Variants in SMOC1 observed in about 807,000 individuals in gnomAD.
SMOC1 encodes the protein SPARC-related modular calcium-binding protein 1.
SMOC1 carries 22 observed loss-of-function variants against 56.3 expected under a neutral mutation model. The ratio of observed to expected loss-of-function variants is 0.39; its 90% CI spans 0.28 to 0.56. SMOC1 has a LOEUF of 0.56. Among genes scored for constraint, SMOC1 ranks in the 20% least tolerant of loss-of-function variants. The probability of loss-of-function intolerance (pLI) is 0.61; values close to 1 mark genes in which losing one functional copy is unlikely to be tolerated. For synonymous variants in SMOC1, 193 were observed against 215.0 expected, an observed-to-expected ratio of 0.90 and a Z score of 0.89; for missense variants, 509 against 565.4, an observed-to-expected ratio of 0.90 and a Z score of 1.01.
chr14:69,982,070 C>T lies in SMOC1; in HGVS notation c.526+4105C>T, dbSNP rs1339666993. The stretch of plus-strand genomic sequence containing the variant: ...GCTTTTGACTTCTGAGTGCCCAGAG[C>T]ATCAGAGGCCATGGGGTGATGCTGT... On this transcript the variant is annotated intron_variant, in intron 5 of 11. Transcript: ENST00000361956. Among the ~76,000 whole-genome samples, 3 of 152,122 alleles carry T rather than the reference C, an allele frequency of 2.0e-5. No homozygotes were observed. The East Asian group carries it at 5.8e-4, about 29-fold the overall frequency.
intron 10 of SMOC1, among the ~76,000 whole-genome samples, chr14:70,017,730 C>T (rs1014071506): frequency 1.3e-5 from 2 of 152,180 alleles, no homozygotes; most frequent in Non-Finnish European, 2.9e-5. Context: ...GGTTCTGGGG[C>T]ATCTGAAGAA....
At chr14:69,880,116 C>T (rs1364653473) in intron 1 of SMOC1, among the ~76,000 whole-genome samples, 1 of 151,430 alleles carries the variant, frequency 6.6e-6, no homozygotes, top group Non-Finnish European at 1.5e-5. Context: ...TCATGCAGGG[C>T]TTCCCTGTGG....
chr14:70,009,018 TG>T (rs1402792531), intron 7 of SMOC1, among the ~76,000 whole-genome samples: 1 of 152,034 alleles, frequency 6.6e-6, no homozygotes, highest in African/African-American at 2.4e-5. Flanking sequence ...GCTGTTCTGG[TG>T]GTAGTCACAG....
intron 9 of SMOC1, among the ~76,000 whole-genome samples, chr14:70,012,784 T>C (rs1885385822): frequency 6.6e-6 from 1 of 152,198 alleles, no homozygotes; most frequent in East Asian, 1.9e-4. Context: ...TGCTTTACTG[T>C]GTTTTCCTGG....
chr14:69,906,759 G>T (rs1260985378), intron 1 of SMOC1, among the ~76,000 whole-genome samples: 2 of 152,138 alleles, frequency 1.3e-5, no homozygotes, highest in South Asian at 2.1e-4. Context: ...CACTGAATTT[G>T]CCCACTAGGA....
At chr14:69,980,629 T>C (rs1482497637) in intron 5 of SMOC1, among the ~76,000 whole-genome samples, 2 of 152,194 alleles carry the variant, frequency 1.3e-5, no homozygotes, top group Non-Finnish European at 2.9e-5. Context: ...CTGTGTCGAC[T>C]AGCCAAGGTT....
chr14:69,944,247 G>A (rs1882693217), intron 1 of SMOC1, among the ~76,000 whole-genome samples: 1 of 152,196 alleles, frequency 6.6e-6, no homozygotes, highest in African/African-American at 2.4e-5. Context: ...CATAGTGGGT[G>A]TTCTGGGGGC....
chr14:69,964,646 G>A (rs1230236937), intron 3 of SMOC1, among the ~76,000 whole-genome samples: 1 of 152,112 alleles, frequency 6.6e-6, no homozygotes, highest in Non-Finnish European at 1.5e-5. Context: ...CAAAGTGGTG[G>A]AATTAAAGGA....
intron 1 of SMOC1, among the ~76,000 whole-genome samples, chr14:69,888,410 C>T (rs972401895): frequency 5.3e-5 from 8 of 152,196 alleles, no homozygotes; most frequent in African/African-American, 9.7e-5. Context: ...ACTTCCTGGA[C>T]GTCACCTTGG....
At chr14:69,921,369 T>G (rs1884837493) in intron 1 of SMOC1, among the ~76,000 whole-genome samples, 1 of 152,154 alleles carries the variant, frequency 6.6e-6, no homozygotes. Context: ...TGTTAGGACA[T>G]GAGGCTCACA....
At chr14:69,879,875 G>T in intron 1 of SMOC1, 98 bp downstream of exon 1, 1 of 1,116,400 alleles carries the variant, frequency 9.0e-7, no homozygotes. Context: ...AGAGATGTCA[G>T]AGACCTGTTG....
At chr14:69,888,299 G>T (rs1362484066) in intron 1 of SMOC1, among the ~76,000 whole-genome samples, 2 of 152,172 alleles carry the variant, frequency 1.3e-5, no homozygotes, top group Non-Finnish European at 2.9e-5. Context: ...TGACTATAGG[G>T]TTTTCTTTTG....
intron 10 of SMOC1, among the ~76,000 whole-genome samples, chr14:70,022,651 A>T (rs1056559234): frequency 6.6e-6 from 1 of 152,186 alleles, no homozygotes; most frequent in African/African-American, 2.4e-5. Flanking sequence ...CCCCACATTC[A>T]GTTGTCATGA....
chr14:69,891,103 G>A (rs1334703785), intron 1 of SMOC1, among the ~76,000 whole-genome samples: 1 of 152,160 alleles, frequency 6.6e-6, no homozygotes, highest in Admixed American at 6.5e-5. Flanking sequence ...CATGAAAAAG[G>A]CAAATTGCAG....
chr14:69,979,057 G>A (rs1386621297), intron 5 of SMOC1, among the ~76,000 whole-genome samples: 1 of 151,958 alleles, frequency 6.6e-6, no homozygotes, highest in African/African-American at 2.4e-5. Flanking sequence ...CTTCCCACCT[G>A]CATCTAGGCC....
intron 7 of SMOC1, among the ~76,000 whole-genome samples, chr14:70,006,781 C>T (rs532024709): frequency 7.8e-4 from 119 of 152,298 alleles, no homozygotes; most frequent in African/African-American, 2.7e-3. Context: ...AGTTGGTACT[C>T]GCTGTGACCT....
chr14:69,993,423 G>A (rs1884636508), intron 6 of SMOC1, among the ~76,000 whole-genome samples: 1 of 152,120 alleles, frequency 6.6e-6, no homozygotes. Flanking sequence ...AGTCTCTAAA[G>A]TATGACAATA....
chr14:69,884,080 G>A (rs908967633), intron 1 of SMOC1, among the ~76,000 whole-genome samples: 3 of 149,938 alleles, frequency 2.0e-5, no homozygotes, highest in Non-Finnish European at 3.0e-5. Context: ...CTAATTTTTT[G>A]TATTTTTAGT....
chr14:70,019,452 C>T (rs1566713517), intron 10 of SMOC1, among the ~76,000 whole-genome samples: 2 of 152,204 alleles, frequency 1.3e-5, no homozygotes, highest in South Asian at 2.1e-4. Flanking sequence ...TGTGGACAAG[C>T]GAGTGCTGTT....
Sources: allele counts gnomAD v4.1 joint callset (sites outside exome capture counted in the v4.1 genomes callset), GRCh38; gene constraint gnomAD v4.1.1; transcripts MANE v1.5; gene names NCBI Gene and HGNC (gene_info 2026-07-23, HGNC 2026-07-21).